Variants in RAD51B observed in about 807,000 individuals in gnomAD.
RAD51B encodes the protein DNA repair protein RAD51 homolog 2.
A neutral mutation model predicts 42.2 loss-of-function variants in RAD51B; 38 were observed. The ratio of observed to expected loss-of-function variants is 0.90; its 90% CI spans 0.70 to 1.18. The LOEUF (loss-of-function observed/expected upper bound fraction) is 1.18, where lower values mean the gene tolerates loss of function less well. Among genes scored for constraint, RAD51B ranks in the 50% most tolerant of loss-of-function variants. The pLI is 0.00. For synonymous variants in RAD51B, 154 were observed against 145.2 expected (o/e 1.06, Z -0.43); for missense variants, 373 against 400.7 (o/e 0.93, Z 0.59).
At chr14:68,500,002 T>C (rs1884808630) in intron 10 of RAD51B, among the ~76,000 whole-genome samples, 1 of 152,206 alleles carries the variant, frequency 6.6e-6, no homozygotes, top group Admixed American at 6.5e-5. Context: ...AATCTGGTCG[T>C]CTAGAAAACT....
chr14:68,172,356 G>A (rs1566703025), intron 7 of RAD51B, among the ~76,000 whole-genome samples: 3 of 152,230 alleles, frequency 2.0e-5, no homozygotes, highest in Non-Finnish European at 4.4e-5. Flanking sequence ...AATGTAAACA[G>A]AGCCAGATAC....
At chr14:68,178,148 C>T (rs867360749) in intron 7 of RAD51B, among the ~76,000 whole-genome samples, 5 of 152,064 alleles carry the variant, frequency 3.3e-5, no homozygotes, top group South Asian at 4.2e-4. Flanking sequence ...TATCTCTTTG[C>T]GGATCAAACA....
intron 8 of RAD51B, among the ~76,000 whole-genome samples, chr14:68,386,793 C>T (rs1241884766): frequency 2.0e-5 from 3 of 152,230 alleles, no homozygotes; most frequent in Admixed American, 2.0e-4. Flanking sequence ...GTGATTGTTT[C>T]TACCTCTCAT....
chr14:68,083,476 C>T (rs2076942240), intron 7 of RAD51B, among the ~76,000 whole-genome samples: 1 of 152,180 alleles, frequency 6.6e-6, no homozygotes, highest in South Asian at 2.1e-4. Context: ...TACTCGATCA[C>T]TGGAGTATTC....
intron 7 of RAD51B, among the ~76,000 whole-genome samples, chr14:68,077,149 C>G (rs1462325588): frequency 6.6e-6 from 1 of 152,094 alleles, no homozygotes; most frequent in Non-Finnish European, 1.5e-5. Context: ...AGTTGCTGCT[C>G]TAAGTGGAGA....
chr14:68,585,151 C>G (rs190005750), intron 10 of RAD51B, among the ~76,000 whole-genome samples: 1 of 152,176 alleles, frequency 6.6e-6, no homozygotes, highest in Non-Finnish European at 1.5e-5. Context: ...GCATTCCCAC[C>G]TCTGTGTACT....
chr14:68,281,213 G>C (rs893515814), intron 7 of RAD51B, among the ~76,000 whole-genome samples: 4 of 152,176 alleles, frequency 2.6e-5, no homozygotes, highest in Non-Finnish European at 5.9e-5. Flanking sequence ...AGTAAAGGAG[G>C]CTATTTCAGA....
intron 10 of RAD51B, among the ~76,000 whole-genome samples, chr14:68,570,902 C>G (rs891565984): frequency 6.9e-6 from 1 of 144,860 alleles, no homozygotes; most frequent in African/African-American, 2.5e-5. Context: ...CACACATGCA[C>G]ACACACACAC....
intron 10 of RAD51B, among the ~76,000 whole-genome samples, chr14:68,637,585 G>A (rs1276078615): frequency 6.6e-6 from 1 of 152,216 alleles, no homozygotes; most frequent in African/African-American, 2.4e-5. Context: ...GAATGTGATT[G>A]CAGCACAAAG....
intron 9 of RAD51B, among the ~76,000 whole-genome samples, chr14:68,432,575 C>T (rs1405506603): frequency 3.3e-5 from 5 of 152,154 alleles, no homozygotes; most frequent in African/African-American, 1.2e-4. Flanking sequence ...GATTGCAACT[C>T]CTGCCTTTTT....
At chr14:67,935,121 A>C (rs1490697012) in intron 7 of RAD51B, among the ~76,000 whole-genome samples, 1 of 152,242 alleles carries the variant, frequency 6.6e-6, no homozygotes, top group Non-Finnish European at 1.5e-5. Context: ...GGTTAAATGA[A>C]TGAATAAATC....
At chr14:68,219,477 A>T (rs2767375) in intron 7 of RAD51B, among the ~76,000 whole-genome samples, 83 of 152,266 alleles carry the variant, frequency 5.5e-4, no homozygotes, top group African/African-American at 1.8e-3. Flanking sequence ...AGGTACTGGT[A>T]TCCTCGGCTG....
intron 10 of RAD51B, among the ~76,000 whole-genome samples, chr14:68,532,618 T>C (rs1206148112): frequency 1.3e-5 from 2 of 152,154 alleles, no homozygotes; most frequent in East Asian, 1.9e-4. Context: ...CCAAAAAACA[T>C]TGGGCATAGG....
intron 8 of RAD51B, among the ~76,000 whole-genome samples, chr14:68,313,189 C>T (rs1216687895): frequency 1.3e-5 from 2 of 152,184 alleles, no homozygotes; most frequent in African/African-American, 4.8e-5. Flanking sequence ...GGGAACTGCA[C>T]TGCATGTCTG....
At chr14:68,250,497 C>T (rs1364831906) in intron 7 of RAD51B, among the ~76,000 whole-genome samples, 1 of 152,170 alleles carries the variant, frequency 6.6e-6, no homozygotes, top group Non-Finnish European at 1.5e-5. Flanking sequence ...TTCATCAATT[C>T]CTTTAAGTAG....
At chr14:68,021,070 C>T (rs1049326061) in intron 7 of RAD51B, among the ~76,000 whole-genome samples, 16 of 152,180 alleles carry the variant, frequency 1.1e-4, no homozygotes, top group Non-Finnish European at 2.1e-4. Flanking sequence ...TGAATACCCC[C>T]CTGGGACCTT....
chr14:68,154,646 C>T (rs1272852527), intron 7 of RAD51B, among the ~76,000 whole-genome samples: 2 of 152,048 alleles, frequency 1.3e-5, no homozygotes, highest in Non-Finnish European at 2.9e-5. Flanking sequence ...TGCAACACAA[C>T]CTAGAAATTC....
intron 10 of RAD51B, among the ~76,000 whole-genome samples, chr14:68,501,020 T>A (rs1288374932): frequency 6.6e-6 from 1 of 152,192 alleles, no homozygotes; most frequent in Admixed American, 6.5e-5. Flanking sequence ...AGTCATGTTT[T>A]CAGAGTTTTG....
chr14:68,488,101 T>C (rs565958077), intron 10 of RAD51B, among the ~76,000 whole-genome samples: 1 of 151,850 alleles, frequency 6.6e-6, no homozygotes, highest in East Asian at 1.9e-4. Context: ...CATGAATGGA[T>C]GGTTATTACA....
Sources: gnomAD v4.1 joint callset for allele counts (sites outside exome capture counted in the v4.1 genomes callset) on GRCh38, gnomAD v4.1.1 for gene constraint, MANE v1.5 for transcripts, NCBI Gene and HGNC (gene_info 2026-07-23, HGNC 2026-07-21) for gene names.